The following PPHLN1 variants were observed in gnomAD, a reference collection of about 807,000 sequenced individuals.
The protein encoded by PPHLN1 is periphilin 1.
Under a neutral mutation model 51.3 loss-of-function variants are expected in PPHLN1, and 29 were observed. The observed-to-expected ratio is 0.57, with a 90% CI of 0.42 to 0.77. The LOEUF is 0.77. Ranked by LOEUF, PPHLN1 falls within the 30% of genes least tolerant of loss-of-function variation. The pLI is 0.00. For missense variants in PPHLN1, 436 were observed against 438.4 expected (o/e 0.99, Z 0.05); for synonymous variants, 147 against 147.8 (o/e 0.99, Z 0.04).
At chr12:42,378,137 T>TTTCC (rs2076456813) in intron 5 of PPHLN1, among the ~76,000 whole-genome samples, 2 of 138,082 alleles carry the variant, frequency 1.4e-5, no homozygotes, top group Non-Finnish European at 3.2e-5. Context: ...TCTTTCTTTC[T>TTTCC]TTCTTTCTTT....
At chr12:42,422,384 G>T (rs906143963) in intron 9 of PPHLN1, among the ~76,000 whole-genome samples, 1 of 152,132 alleles carries the variant, frequency 6.6e-6, no homozygotes, top group Non-Finnish European at 1.5e-5. Flanking sequence ...TGTCTATGTT[G>T]TATCTACATG....
chr12:42,410,199 A>G (rs902017808), intron 9 of PPHLN1, among the ~76,000 whole-genome samples: 15 of 151,098 alleles, frequency 9.9e-5, no homozygotes, highest in Admixed American at 6.6e-5. Flanking sequence ...TTTGCAGTAC[A>G]TTCTCTATTG....
chr12:42,432,073 C>G (rs2082084679), intron 9 of PPHLN1: 1 of 1,571,016 alleles, frequency 6.4e-7, no homozygotes, highest in Non-Finnish European at 8.8e-7. Flanking sequence ...CGTGGTCCAC[C>G]ACGACCTCGA....
At position 42,334,128 on chromosome 12, in the gene PPHLN1, TG is replaced by T. The variant is rs1844439184; in HGVS notation, c.-20-1750del. On this transcript the variant is annotated intron_variant, in intron 1 of 9. Transcript: ENST00000358314. ...AAACCTTTAGTGGATTCAGTAAAGG[TG>T]GGGGAGGAGGAGTAATGTTGACAAT... Among the ~76,000 whole-genome samples, 3 of 152,218 alleles carry T rather than the reference TG, an allele frequency of 2.0e-5. No homozygotes were observed. In the South Asian group the frequency reaches 6.2e-4, roughly 32 times the overall value.
Position 42,374,908 on chromosome 12 carries a change from T to C in PPHLN1, c.345T>C (p.His115=). ...GAAGAAAAAGTTTCTACTCTTCCCA[T>C]TATGCGAGAGAGCGGTCTCCTTATA... is the stretch of plus-strand genomic sequence containing the variant. ...GFRRKSFYSS[H]YARERSPYKR... Residue 115 remains histidine, a synonymous_variant, in exon 5 of 10, where the codon CAT becomes CAC. Coordinates refer to ENST00000358314, the MANE Select transcript of PPHLN1 (RefSeq NM_201439.2). The C allele has an allele frequency of 1.2e-6, 2 of 1,613,444 alleles. No individual in the cohort carries two copies. Among genetic ancestry groups the C allele is most frequent in the Non-Finnish European group, 1.7e-6 (2 of 1,179,700 alleles).
chr12:42,384,831 A>T, intron 5 of PPHLN1, 109 bp from the exon 6 acceptor site: 1 of 1,042,298 alleles, frequency 9.6e-7, no homozygotes, highest in Non-Finnish European at 1.4e-6. Flanking sequence ...GGCCACCAGA[A>T]AATGCTCAGA....
chr12:42,420,792 A>G (rs2080939361), intron 9 of PPHLN1, among the ~76,000 whole-genome samples: 1 of 150,958 alleles, frequency 6.6e-6, no homozygotes, highest in Non-Finnish European at 1.5e-5. Context: ...GGTACTAAAT[A>G]CTGAGAAGTT....
In PPHLN1 at chr12:42,441,758, G is replaced by C. The variant is rs1188517689; in HGVS notation, c.*249G>C. 23 of 1,131,578 alleles carry C rather than the reference G, an allele frequency of 2.0e-5. No homozygotes were observed. The highest frequency in any genetic ancestry group is 4.3e-5 in the Admixed American group (1 of 23,090). The allele number at this position is 1,131,578 out of a possible 1,614,324, so 70.1% of individuals were successfully genotyped here. On this transcript the variant is annotated 3_prime_UTR_variant, in exon 10 of 10. Transcript: ENST00000358314. ...TAGTCTCTAACTCCTGGCCTCAAGT[G>C]ATCTGCCTGCCTCAGCCTCTCAAAG...
chr12:42,390,369 G>T (rs550791275), intron 7 of PPHLN1, among the ~76,000 whole-genome samples: 1 of 152,024 alleles, frequency 6.6e-6, no homozygotes, highest in Non-Finnish European at 1.5e-5. Context: ...TTCATGTCAG[G>T]TAATAGATGA....
chr12:42,399,553 G>T, intron 9 of PPHLN1: 1 of 446,824 alleles, frequency 2.2e-6, no homozygotes, highest in Non-Finnish European at 3.0e-6. Context: ...GTAACATTTT[G>T]TACAGGTGCT....
At chr12:42,397,813 C>G (rs1425326311) in intron 8 of PPHLN1, among the ~76,000 whole-genome samples, 1 of 152,046 alleles carries the variant, frequency 6.6e-6, no homozygotes, top group Non-Finnish European at 1.5e-5. Context: ...GTGATTTTGG[C>G]TCACTGCAAC....
intron 9 of PPHLN1, among the ~76,000 whole-genome samples, chr12:42,401,781 T>C (rs2139359400): frequency 6.6e-6 from 1 of 152,306 alleles, no homozygotes; most frequent in East Asian, 1.9e-4. Flanking sequence ...AGGTAATTTA[T>C]AGTTAAAATA....
At chr12:42,398,140 T>C (rs2078441315) in intron 8 of PPHLN1, among the ~76,000 whole-genome samples, 1 of 152,176 alleles carries the variant, frequency 6.6e-6, no homozygotes, top group Non-Finnish European at 1.5e-5. Context: ...AGTCTATGCA[T>C]ATATGTATTC....
chr12:42,383,801 A>T (rs1236608838), intron 5 of PPHLN1, among the ~76,000 whole-genome samples: 1 of 151,892 alleles, frequency 6.6e-6, no homozygotes, highest in Non-Finnish European at 1.5e-5. Context: ...CAAGATGGTG[A>T]AACCTCGTCT....
At chr12:42,345,637 G>A (rs965414077) in intron 2 of PPHLN1, among the ~76,000 whole-genome samples, 9 of 150,420 alleles carry the variant, frequency 6.0e-5, no homozygotes, top group Non-Finnish European at 1.2e-4. Context: ...ATTTATATTA[G>A]TATGTAGATA....
chr12:42,336,067 T>G (rs2070611633), intron 2 of PPHLN1, 93 bp downstream of exon 2: 1 of 759,164 alleles, frequency 1.3e-6, no homozygotes, highest in Non-Finnish European at 2.0e-6. Flanking sequence ...AATCTTCAAG[T>G]GTCAGAAATT....
intron 1 of PPHLN1, 98 bp from the exon 2 acceptor site, chr12:42,335,785 C>A: frequency 4.7e-6 from 2 of 423,208 alleles, no homozygotes; most frequent in Non-Finnish European, 7.5e-6. Flanking sequence ...CTTAAGATCT[C>A]TGGAAAATAT....
intron 1 of PPHLN1, among the ~76,000 whole-genome samples, chr12:42,333,769 G>A (rs1278048996): frequency 2.6e-5 from 4 of 152,248 alleles, no homozygotes; most frequent in South Asian, 4.1e-4. Context: ...AGCGTGAGCC[G>A]CTGCGCCCGG....
At chr12:42,342,609 A>G (rs1248926104) in intron 2 of PPHLN1, among the ~76,000 whole-genome samples, 1 of 151,412 alleles carries the variant, frequency 6.6e-6, no homozygotes, top group African/African-American at 2.5e-5. Flanking sequence ...TAATGTTTGG[A>G]AATTAGGATC....
Sources: gnomAD v4.1 joint callset for allele counts (sites outside exome capture counted in the v4.1 genomes callset) on GRCh38, gnomAD v4.1.1 for gene constraint, MANE v1.5 for transcripts, NCBI Gene and HGNC (gene_info 2026-07-23, HGNC 2026-07-21) for gene names.